Variants in TANC2 observed in about 807,000 individuals in gnomAD.
TANC2 encodes protein TANC2.
In TANC2, 26 loss-of-function variants were observed where a neutral mutation model predicts 210.5. The observed-to-expected ratio is 0.12, with a 90% CI of 0.09 to 0.17. The LOEUF (loss-of-function observed/expected upper bound fraction) is 0.17. Ranked by LOEUF, TANC2 falls within the 10% of genes least tolerant of loss-of-function variation. The pLI is 1.00. For synonymous variants in TANC2, 931 were observed against 967.1 expected, an observed-to-expected ratio of 0.96 and a Z score of 0.69; for missense variants, 2,129 against 2,608.9, an observed-to-expected ratio of 0.82 and a Z score of 4.01.
chr17:63,071,853 A>G lies in TANC2; in HGVS notation c.68-2090A>G, dbSNP rs138055775. The stretch of plus-strand genomic sequence containing the variant: ...AGAATAAAACGGGAACATGAATTGA[A>G]CTCAAAATATTTAATAAATTTGGGT... On this transcript the variant is annotated intron_variant, in intron 2 of 27. Transcript: ENST00000689528. 3.7e-3 allele frequency among the ~76,000 whole-genome samples: 569 copies of G among 152,216 alleles called. 4 individuals are homozygous for G. The highest frequency in any genetic ancestry group is 6.1e-3 in the Non-Finnish European group (412 of 67,998).
exon 14 of TANC2, chr17:63,355,195 A>C: frequency 6.2e-7 from 1 of 1,613,798 alleles, no homozygotes; most frequent in Non-Finnish European, 8.5e-7. Context: ...ACTGATGAGC[A>C]TATCTTCCAG....
intron 26 of TANC2, among the ~76,000 whole-genome samples, chr17:63,417,204 G>A (rs576600551): frequency 6.6e-6 from 1 of 152,256 alleles, no homozygotes; most frequent in Admixed American, 6.5e-5. Context: ...TTCTTAGGTA[G>A]AGGATTTCCC....
At chr17:63,372,127 C>T (rs2047286963) in intron 14 of TANC2, among the ~76,000 whole-genome samples, 1 of 152,144 alleles carries the variant, frequency 6.6e-6, no homozygotes, top group African/African-American at 2.4e-5. Flanking sequence ...TCAAATATAC[C>T]TTGAATATAA....
chr17:63,092,717 A>G (rs1194396884), intron 3 of TANC2, among the ~76,000 whole-genome samples: 4 of 151,950 alleles, frequency 2.6e-5, no homozygotes, highest in South Asian at 2.1e-4. Context: ...TTAAATGACC[A>G]TATCTCATGA....
chr17:63,140,892 C>A lies in TANC2; in HGVS notation c.323-10378C>A, dbSNP rs116212512. ...CTCCCGAGTAGCTGGGACTACAGGC[C>A]CTCACCACCACTACACCTGGCTAAT... On this transcript the variant is annotated intron_variant, in intron 4 of 27. Coordinates refer to ENST00000689528, the Ensembl canonical transcript of TANC2. 8.5e-3 allele frequency among the ~76,000 whole-genome samples: 1,294 copies of A among 151,684 alleles called. 16 individuals carry two copies. The highest frequency in any genetic ancestry group is 0.029 in the African/African-American group (1,185 of 41,354).
chr17:63,289,620 C>T (rs2044325703), intron 9 of TANC2, among the ~76,000 whole-genome samples: 2 of 152,168 alleles, frequency 1.3e-5, no homozygotes. Flanking sequence ...TATCCATTAG[C>T]GCCTTTAACG....
At chr17:63,107,273 G>A (rs1381212504) in intron 4 of TANC2, among the ~76,000 whole-genome samples, 2 of 151,564 alleles carry the variant, frequency 1.3e-5, no homozygotes, top group African/African-American at 4.9e-5. Context: ...TATAATAGAT[G>A]CTTCTAAACA....
At chr17:63,002,378 C>CTT (rs2033425513) in intron 1 of TANC2, among the ~76,000 whole-genome samples, 2 of 152,222 alleles carry the variant, frequency 1.3e-5, no homozygotes, top group Non-Finnish European at 2.9e-5. Context: ...ATATCCACTA[C>CTT]TTACAGTTTA....
intron 1 of TANC2, among the ~76,000 whole-genome samples, chr17:62,974,481 T>C (rs1006642921): frequency 6.6e-6 from 1 of 152,170 alleles, no homozygotes; most frequent in Non-Finnish European, 1.5e-5. Context: ...AGTTTAAAAG[T>C]TGAGGTGGAT....
At chr17:63,314,498 G>C in exon 10 of TANC2, 1 of 1,613,888 alleles carries the variant, frequency 6.2e-7, no homozygotes, top group Middle Eastern at 1.6e-4. Context: ...GGTTTTCCAC[G>C]AAATAGATGC....
intron 5 of TANC2, among the ~76,000 whole-genome samples, chr17:63,179,326 C>G (rs1195980424): frequency 6.6e-6 from 1 of 152,112 alleles, no homozygotes; most frequent in East Asian, 1.9e-4. Flanking sequence ...AACATAGGCT[C>G]AAGAACCAGA....
intron 2 of TANC2, among the ~76,000 whole-genome samples, chr17:63,072,447 A>G (rs1236211104): frequency 6.6e-6 from 1 of 152,092 alleles, no homozygotes; most frequent in Non-Finnish European, 1.5e-5. Context: ...AAAATTTCTT[A>G]TATTTGTCTT....
intron 8 of TANC2, 87 bp from the exon 9 acceptor site, chr17:63,267,661 C>A: frequency 7.0e-7 from 1 of 1,422,940 alleles, no homozygotes; most frequent in South Asian, 1.5e-5. Flanking sequence ...TGGAGTAAGC[C>A]CTGATTCCAA....
intron 21 of TANC2, among the ~76,000 whole-genome samples, chr17:63,410,196 A>G (rs993591255): frequency 2.6e-5 from 4 of 152,176 alleles, no homozygotes; most frequent in African/African-American, 4.8e-5. Flanking sequence ...TTTCAAGTAT[A>G]TATTGTTATT....
At chr17:62,980,051 C>G (rs2032222755) in intron 1 of TANC2, among the ~76,000 whole-genome samples, 1 of 152,224 alleles carries the variant, frequency 6.6e-6, no homozygotes, top group Non-Finnish European at 1.5e-5. Flanking sequence ...CACTGTGTGA[C>G]TCTGAAACCT....
chr17:63,319,749 A>G (rs1480818034), intron 11 of TANC2, among the ~76,000 whole-genome samples: 1 of 152,190 alleles, frequency 6.6e-6, no homozygotes, highest in Non-Finnish European at 1.5e-5. Flanking sequence ...TACCCTGTCC[A>G]TAATATTTTT....
chr17:62,984,673 T>C (rs2032480186), intron 1 of TANC2, among the ~76,000 whole-genome samples: 1 of 152,160 alleles, frequency 6.6e-6, no homozygotes, highest in Admixed American at 6.5e-5. Flanking sequence ...TTTTCAGTTG[T>C]TTTAAGGAAT....
At chr17:63,369,049 C>T (rs2047189669) in intron 14 of TANC2, among the ~76,000 whole-genome samples, 1 of 152,176 alleles carries the variant, frequency 6.6e-6, no homozygotes, top group Admixed American at 6.5e-5. Context: ...AGAACCTGGC[C>T]AGAAGACACC....
chr17:63,121,876 A>T (rs1453981056), intron 4 of TANC2, among the ~76,000 whole-genome samples: 4 of 149,944 alleles, frequency 2.7e-5, no homozygotes, highest in Admixed American at 6.7e-5. Context: ...CTGAGGTGGG[A>T]GGATCGCTTG....
Sources: gnomAD v4.1 joint callset for allele counts (sites outside exome capture counted in the v4.1 genomes callset) on GRCh38, gnomAD v4.1.1 for gene constraint, MANE v1.5 for transcripts, NCBI Gene and HGNC (gene_info 2026-07-23, HGNC 2026-07-21) for gene names.